Variants in HCAR2 observed in about 807,000 individuals in gnomAD.
The protein encoded by HCAR2 is G protein-coupled receptor HM74a.
For missense variants in HCAR2, 346 were observed against 476.6 expected (o/e 0.73, Z 2.55); for synonymous variants, 156 against 189.4 (o/e 0.82, Z 1.45).
At position 122,702,163 on chromosome 12, in the gene HCAR2, G is replaced by C. The variant is rs754739690; in HGVS notation, c.*29C>G. 1 of 1,613,792 alleles carries C rather than the reference G, an allele frequency of 6.2e-7. No homozygotes were observed. The highest frequency in any genetic ancestry group is 1.1e-5 in the South Asian group (1 of 91,042). On this transcript the variant is annotated 3_prime_UTR_variant, in exon 1 of 1. Coordinates refer to ENST00000328880, the MANE Select transcript of HCAR2 (RefSeq NM_177551.4). ...GTTTCTCCAGAGATCCTGGTTCTTG[G>C]TGACAATGTCCCTTCTTGGCATGGT... is the stretch of plus-strand genomic sequence containing the variant.
In HCAR2 at chr12:122,701,388, G is replaced by A. The variant is rs1374102332; in HGVS notation, c.*804C>T. On this transcript the variant is annotated 3_prime_UTR_variant, in exon 1 of 1. Coordinates refer to ENST00000328880, the MANE Select transcript of HCAR2 (RefSeq NM_177551.4). ...AGGAACGTGCACCCCTCTAACTGTG[G>A]GGCAGAGGCACATTTCCCTTTTAAT... 1 of 152,248 alleles carries A rather than the reference G, an allele frequency of 6.6e-6. No individual in the cohort carries two copies. Among genetic ancestry groups the A allele is most frequent in the Non-Finnish European group, 1.5e-5 (1 of 68,100 alleles). 9.4% of individuals were successfully genotyped at this position (152,248 alleles called of 1,614,324 possible).
In HCAR2 at chr12:122,703,010, C is replaced by T. The variant is rs1466451522; in HGVS notation, c.274G>A (p.Asp92Asn). The change falls in exon 1 of 1, where the codon GAC (aspartate) becomes AAC (asparagine). Residue 92 changes from aspartate (D) to asparagine (N), a missense_variant. Physicochemically the swap from Asp to Asn is conservative, Grantham distance 23. Transcript: ENST00000328880. ...FLMDNYVRRW[D>N]WKFGDIPCRL... ...CAAGGGATGTCCCCAAACTTCCAGT[C>T]CCAACGCCTCACATAGTTGTCCATC... is the stretch of plus-strand genomic sequence containing the variant. 3 of 1,613,956 alleles carry T rather than the reference C, an allele frequency of 1.9e-6. No homozygotes were observed. Among genetic ancestry groups the T allele is most frequent in the Non-Finnish European group, 1.7e-6 (2 of 1,180,028 alleles).
In HCAR2 at chr12:122,702,896, C is replaced by T. The variant is rs200794872; in HGVS notation, c.388G>A (p.Val130Ile). 2.5e-6 allele frequency: 4 copies of T among 1,614,100 alleles called. No individual in the cohort carries two copies. In the East Asian group the frequency reaches 6.7e-5, roughly 27 times the overall value. ...TTGTTCAGGGCGTGGTGGGGATGGACCACCCGGAAATACCTGTCTACCGCC... is the reference window on the plus strand; with the variant it reads ...TTGTTCAGGGCGTGGTGGGGATGGATCACCCGGAAATACCTGTCTACCGCC... ...VVAVDRYFRV[V>I]HPHHALNKIS... The change falls in exon 1 of 1, where the codon GTC becomes ATC. Residue 130 changes from valine to isoleucine, a missense_variant. Transcript: ENST00000328880.
rs1411790301 is a variant in HCAR2 at position 122,701,540 on chromosome 12, A to G, written c.*652T>C. The G allele has an allele frequency of 6.5e-6, 1 of 153,406 alleles. No homozygotes were observed. Among genetic ancestry groups the G allele is most frequent in the Non-Finnish European group, 1.5e-5 (1 of 68,900 alleles). The allele number at this position is 153,406 out of a possible 1,614,324, so 9.5% of individuals were successfully genotyped here. ...GTCGCTGGTTGAAAGCAGCAATGCC[A>G]TTTCCTTTCCCATAATAACACTGTT... On this transcript the variant is annotated 3_prime_UTR_variant, in exon 1 of 1. Coordinates refer to ENST00000328880, the MANE Select transcript of HCAR2 (RefSeq NM_177551.4).
chr12:122,702,221 G>A lies in HCAR2; in HGVS notation c.1063C>T (p.Pro355Ser), dbSNP rs1177917515. 1 of 1,614,206 alleles carries A rather than the reference G, an allele frequency of 6.2e-7. No homozygotes were observed. Among genetic ancestry groups the A allele is most frequent in the Admixed American group, 1.7e-5 (1 of 60,020 alleles). The change falls in exon 1 of 1, where the codon CCC (proline) becomes TCC (serine). Residue 355 changes from proline (P) to serine (S), a missense_variant. Pro to Ser is a moderately conservative substitution (Grantham distance 74). Coordinates refer to ENST00000328880, the MANE Select transcript of HCAR2 (RefSeq NM_177551.4). Reference protein sequence around the residue: ...LMANSGEPWSPSYLGPTSP With the variant: ...LMANSGEPWSSSYLGPTSP The stretch of plus-strand genomic sequence containing the variant: ...GGAGAGGTTGGGCCCAGATAAGAGG[G>A]GCTCCATGGCTCACCGGAGTTGGCC...
Position 122,701,981 on chromosome 12 carries a change from C to G in HCAR2, c.*211G>C. ...AGCAAAAGTTTCAGATGCCTAGAAG[C>G]TTTACTCTCTATTCCTCCAGGATTC... is the stretch of plus-strand genomic sequence containing the variant. On this transcript the variant is annotated 3_prime_UTR_variant, in exon 1 of 1. Transcript: ENST00000328880. 1 of 960,160 alleles carries G rather than the reference C, an allele frequency of 1.0e-6. No individual in the cohort carries two copies. Among genetic ancestry groups the G allele is most frequent in the Non-Finnish European group, 1.6e-6 (1 of 637,616 alleles). 59.5% of individuals were successfully genotyped at this position (960,160 alleles called of 1,614,324 possible). A position where few individuals can be genotyped will look rare whatever the true frequency, so the allele number is the denominator to read the frequency against.
At position 122,701,349 on chromosome 12, in the gene HCAR2, G is replaced by A. The variant is rs370838546; in HGVS notation, c.*843C>T. 3.9e-5 allele frequency: 6 copies of A among 152,054 alleles called. No individual in the cohort carries two copies. The highest frequency in any genetic ancestry group is 1.5e-4 in the African/African-American group (6 of 41,330). The allele number at this position is 152,054 out of a possible 1,614,324, so 9.4% of individuals were successfully genotyped here. On this transcript the variant is annotated 3_prime_UTR_variant, in exon 1 of 1. Transcript: ENST00000328880. ...ATTTTTGGTAAGTACAGAAACACAAGCGAAGGAACCAGGAGGAACGTGCAC... is the reference window on the plus strand; with the variant it reads ...ATTTTTGGTAAGTACAGAAACACAAACGAAGGAACCAGGAGGAACGTGCAC...
chr12:122,701,643 T>C lies in HCAR2; in HGVS notation c.*549A>G, dbSNP rs1278572826. 1 of 173,574 alleles carries C rather than the reference T, an allele frequency of 5.8e-6. No individual in the cohort carries two copies. Among genetic ancestry groups the C allele is most frequent in the Non-Finnish European group, 1.3e-5 (1 of 79,508 alleles). 10.8% of individuals were successfully genotyped at this position (173,574 alleles called of 1,614,324 possible). On this transcript the variant is annotated 3_prime_UTR_variant, in exon 1 of 1. Coordinates refer to ENST00000328880, the MANE Select transcript of HCAR2 (RefSeq NM_177551.4). ...ATATTAACCAAAGCGTGTGAGTCTC[T>C]TCCCTGAGTCCATTTCTGCTAAAGC...
In HCAR2 at chr12:122,703,344, T is replaced by C. The variant is rs559154891; in HGVS notation, c.-61A>G. 60 of 1,583,992 alleles carry C rather than the reference T, an allele frequency of 3.8e-5. No individual in the cohort carries two copies. Among genetic ancestry groups the C allele is most frequent in the Middle Eastern group, 3.4e-4 (2 of 5,922 alleles). On this transcript the variant is annotated 5_prime_UTR_variant, in exon 1 of 1. Coordinates refer to ENST00000328880, the MANE Select transcript of HCAR2 (RefSeq NM_177551.4). ...TAGTGAATGCTCCAGCAAGGAGGTG[T>C]GTGTCTGTGTGGTGAACGTGTGGTT...
At position 122,703,131 on chromosome 12, in the gene HCAR2, A is replaced by T; in HGVS notation, c.153T>A (p.Ile51=). 1 of 1,614,178 alleles carries T rather than the reference A, an allele frequency of 6.2e-7. No individual in the cohort carries two copies. The highest frequency in any genetic ancestry group is 1.1e-5 in the South Asian group (1 of 91,078). The change falls in exon 1 of 1, where the codon ATT becomes ATA. Residue 51 remains isoleucine, a synonymous_variant. Transcript: ENST00000328880. The part of the protein sequence containing the change: ...GLLGNGLALW[I]FCFHLKSWKS... ...TCCAGGACTTGAGGTGGAAACAGAA[A>T]ATCCACAGGGCAAGGCCATTGCCCA...
In HCAR2 at chr12:122,701,456, GC is replaced by G. The variant is rs575195499; in HGVS notation, c.*735del. 41 of 152,446 alleles carry G rather than the reference GC, an allele frequency of 2.7e-4. No homozygotes were observed. The highest frequency in any genetic ancestry group is 9.4e-4 in the African/African-American group (39 of 41,560). 9.4% of individuals were successfully genotyped at this position (152,446 alleles called of 1,614,324 possible). A position where few individuals can be genotyped will look rare whatever the true frequency, so the allele number is the denominator to read the frequency against. ...GTGGGAAACAGCTTTCTATCCTGAAGCCGTTTTAACTGCCCAACCCTTAGAT... is the reference window on the plus strand; with the variant it reads ...GTGGGAAACAGCTTTCTATCCTGAAGCGTTTTAACTGCCCAACCCTTAGAT... On this transcript the variant is annotated 3_prime_UTR_variant, in exon 1 of 1. Transcript: ENST00000328880.
Position 122,702,747 on chromosome 12 carries a change from G to A in HCAR2, c.537C>T (p.Ser179=), listed in dbSNP as rs766970337. 2 of 1,614,078 alleles carry A rather than the reference G, an allele frequency of 1.2e-6. No individual in the cohort carries two copies. The highest frequency in any genetic ancestry group is 1.3e-5 in the African/African-American group (1 of 74,926). The change falls in exon 1 of 1, where the codon AGC becomes AGT. Residue 179 remains serine (S), a synonymous_variant. Transcript: ENST00000328880. ...ACTGGAAGGTATGGCAGATGCTGAA[G>A]CTGCTGCACAAATTTGCACCGCCAT... ...IQNGGANLCS[S]FSICHTFQWH... is the part of the protein sequence containing the mutation.
At position 122,702,463 on chromosome 12, in the gene HCAR2, A is replaced by G. The variant is rs778084819; in HGVS notation, c.821T>C (p.Leu274Pro). The G allele has an allele frequency of 6.2e-7, 1 of 1,614,034 alleles. No homozygotes were observed. Among genetic ancestry groups the G allele is most frequent in the Non-Finnish European group, 8.5e-7 (1 of 1,179,932 alleles). The change falls in exon 1 of 1, where the codon CTG (leucine) becomes CCG (proline). Residue 274 changes from leucine (L) to proline (P), a missense_variant. Leu to Pro is a moderately conservative substitution (Grantham distance 98). Transcript: ENST00000328880. Reference protein sequence around the residue: ...QNCEVYRSVDLAFFITLSFTY... With the variant: ...QNCEVYRSVDPAFFITLSFTY... ...GAAGCTGAGAGTGATAAAGAACGCC[A>G]GGTCCACCGAGCGGTACACTTCACA...
Position 122,703,356 on chromosome 12 carries a change from G to T in HCAR2, c.-73C>A. The stretch of plus-strand genomic sequence containing the variant: ...CAGCAAGGAGGTGTGTGTCTGTGTG[G>T]TGAACGTGTGGTTCCACGCCTGCCT... On this transcript the variant is annotated 5_prime_UTR_variant, in exon 1 of 1. Coordinates refer to ENST00000328880, the MANE Select transcript of HCAR2 (RefSeq NM_177551.4). 1 of 1,557,796 alleles carries T rather than the reference G, an allele frequency of 6.4e-7. No individual in the cohort carries two copies. Among genetic ancestry groups the T allele is most frequent in the Non-Finnish European group, 8.7e-7 (1 of 1,145,630 alleles).
In HCAR2 at chr12:122,702,940, A is replaced by C. The variant is rs1309132319; in HGVS notation, c.344T>G (p.Ile115Ser). 6.2e-7 allele frequency: 1 copy of C among 1,614,142 alleles called. No individual in the cohort carries two copies. Residue 115 changes from isoleucine to serine, a missense_variant, in exon 1 of 1, where the codon ATC becomes AGC. By Grantham distance (142) the Ile-to-Ser change is moderately radical. Coordinates refer to ENST00000328880, the MANE Select transcript of HCAR2 (RefSeq NM_177551.4). ...FMLAMNRQGS[I>S]IFLTVVAVDR... is the part of the protein sequence containing the mutation. ...TACCGCCACCACCGTGAGGAAGATG[A>C]TGCTGCCCTGGCGGTTCATAGCCAA...
At position 122,703,257 on chromosome 12, in the gene HCAR2, G is replaced by A; in HGVS notation, c.27C>T (p.His9=). 1 of 1,614,108 alleles carries A rather than the reference G, an allele frequency of 6.2e-7. No individual in the cohort carries two copies. Among genetic ancestry groups the A allele is most frequent in the Non-Finnish European group, 8.5e-7 (1 of 1,180,004 alleles). The change falls in exon 1 of 1, where the codon CAC becomes CAT. Residue 9 remains histidine (H), a synonymous_variant. Coordinates refer to ENST00000328880, the MANE Select transcript of HCAR2 (RefSeq NM_177551.4). MNRHHLQD[H]FLEIDKKNCC... The stretch of plus-strand genomic sequence containing the variant: ...AGTTCTTCTTGTCTATTTCCAGAAA[G>A]TGATCCTGCAGATGGTGCCGATTCA...
At position 122,701,627 on chromosome 12, in the gene HCAR2, A is replaced by G. The variant is rs992304611; in HGVS notation, c.*565T>C. 1 of 168,298 alleles carries G rather than the reference A, an allele frequency of 5.9e-6. No homozygotes were observed. Among genetic ancestry groups the G allele is most frequent in the Non-Finnish European group, 1.3e-5 (1 of 76,286 alleles). 10.4% of individuals were successfully genotyped at this position (168,298 alleles called of 1,614,324 possible). ...CCCACCGGAAACACAGATATTAACC[A>G]AAGCGTGTGAGTCTCTTCCCTGAGT... On this transcript the variant is annotated 3_prime_UTR_variant, in exon 1 of 1. Coordinates refer to ENST00000328880, the MANE Select transcript of HCAR2 (RefSeq NM_177551.4).
chr12:122,702,122 A>T lies in HCAR2; in HGVS notation c.*70T>A. On this transcript the variant is annotated 3_prime_UTR_variant, in exon 1 of 1. Coordinates refer to ENST00000328880, the MANE Select transcript of HCAR2 (RefSeq NM_177551.4). Reference sequence around the variant, plus strand: ...AGGCCGAGTCCAGTGACATTACTCGATGCAACAGCCCAACTGTTTCTCCAG... The same window carrying T: ...AGGCCGAGTCCAGTGACATTACTCGTTGCAACAGCCCAACTGTTTCTCCAG... 1 of 1,608,100 alleles carries T rather than the reference A, an allele frequency of 6.2e-7. No individual in the cohort carries two copies. The highest frequency in any genetic ancestry group is 8.5e-7 in the Non-Finnish European group (1 of 1,177,690).
Position 122,702,982 on chromosome 12 carries a change from C to G in HCAR2, c.302G>C (p.Arg101Pro). 2 of 1,614,022 alleles carry G rather than the reference C, an allele frequency of 1.2e-6. No individual in the cohort carries two copies. The highest frequency in any genetic ancestry group is 1.7e-6 in the Non-Finnish European group (2 of 1,180,006). Reference protein sequence around the residue: ...WDWKFGDIPCRLMLFMLAMNR... With the variant: ...WDWKFGDIPCPLMLFMLAMNR... ...CATAGCCAACATGAAGAGCATCAGC[C>G]GGCAAGGGATGTCCCCAAACTTCCA... is the stretch of plus-strand genomic sequence containing the variant. The change falls in exon 1 of 1, where the codon CGG becomes CCG. Residue 101 changes from arginine to proline, a missense_variant. By Grantham distance (103) the Arg-to-Pro change is moderately radical. Coordinates refer to ENST00000328880, the MANE Select transcript of HCAR2 (RefSeq NM_177551.4).
Sources: gnomAD v4.1 joint callset for allele counts on GRCh38, gnomAD v4.1.1 for gene constraint, MANE v1.5 for transcripts, NCBI Gene and HGNC (gene_info 2026-07-23, HGNC 2026-07-21) for gene names.